SEPTIN4: variants seen among roughly 807,000 people sequenced by gnomAD.
The protein encoded by SEPTIN4 is septin 4.
SEPTIN4 carries 52 observed loss-of-function variants against 107.1 expected under a neutral mutation model. The ratio of observed to expected loss-of-function variants is 0.49; its 90% CI spans 0.39 to 0.61. The LOEUF (loss-of-function observed/expected upper bound fraction) is 0.61. SEPTIN4 is among the 20% of genes least tolerant of loss of function. The pLI is 0.00. For synonymous variants in SEPTIN4, 417 were observed against 467.0 expected (o/e 0.89, Z 1.38); for missense variants, 1,048 against 1,243.5 (o/e 0.84, Z 2.36).
In SEPTIN4 at chr17:58,529,097, C is replaced by G. The variant is rs2043230556; in HGVS notation, c.1615-2119G>C. 7 of 1,614,082 alleles carry G rather than the reference C, an allele frequency of 4.3e-6. No individual in the cohort carries two copies. In the East Asian group the frequency reaches 1.6e-4, roughly 36 times the overall value. The stretch of plus-strand genomic sequence containing the variant: ...GAAGACAGGTCACGTCCACCCATCT[C>G]CCAGAGCAGCACCTTACCCCAGCTT... On this transcript the variant is annotated intron_variant, in intron 3 of 13. Transcript: ENST00000672673.
chr17:58,533,304 CT>C (rs1401570563), intron 3 of SEPTIN4, among the ~76,000 whole-genome samples: 1 of 152,172 alleles, frequency 6.6e-6, no homozygotes, highest in Non-Finnish European at 1.5e-5. Flanking sequence ...GAGGAGAAAC[CT>C]TCCTAGCTGG....
intron 3 of SEPTIN4, chr17:58,531,803 G>T: frequency 1.5e-6 from 1 of 658,524 alleles, no homozygotes; most frequent in Non-Finnish European, 1.9e-6. Flanking sequence ...CCGCCGCCCG[G>T]CAGCAGTGCC....
In SEPTIN4 at chr17:58,526,805, G is replaced by C. The variant is rs1376756698; in HGVS notation, c.1788C>G (p.Phe596Leu). 6.2e-7 allele frequency: 1 copy of C among 1,613,772 alleles called. No homozygotes were observed. Among genetic ancestry groups the C allele is most frequent in the South Asian group, 1.1e-5 (1 of 91,074 alleles). ...APDLYDDDLEFRPPSRPQSSD... is the reference protein window; with the variant it reads ...APDLYDDDLELRPPSRPQSSD... Reference sequence around the variant, plus strand: ...AGGACTGGGGCCGCGAGGGGGGTCTGAACTCCAGGTCATCATCATAGAGGT... The same window carrying C: ...AGGACTGGGGCCGCGAGGGGGGTCTCAACTCCAGGTCATCATCATAGAGGT... The change falls in exon 4 of 14, where the codon TTC becomes TTG. Residue 596 changes from phenylalanine (F) to leucine (L), a missense_variant. Physicochemically the swap from Phe to Leu is conservative, Grantham distance 22 (BLOSUM62 0). Around this residue, in one of 2 missense-constraint regions of SEPTIN4, gnomAD observed 787 missense variants for 871.8 expected, o/e 0.90. Transcript: ENST00000672673.
intron 3 of SEPTIN4, chr17:58,532,284 A>C (rs2043539942): frequency 5.0e-6 from 1 of 198,242 alleles, no homozygotes; most frequent in Non-Finnish European, 9.6e-6. Flanking sequence ...CCCGGGCTGC[A>C]CTGGACACCT....
chr17:58,536,658 C>T (rs542513976), intron 3 of SEPTIN4, among the ~76,000 whole-genome samples: 1 of 152,328 alleles, frequency 6.6e-6, no homozygotes, highest in South Asian at 2.1e-4. Context: ...CTGAGCTTCC[C>T]TCAGGAACTG....
intron 3 of SEPTIN4, chr17:58,529,304 C>T: frequency 6.4e-7 from 1 of 1,556,584 alleles, no homozygotes; most frequent in Non-Finnish European, 8.7e-7. Context: ...GCTCCTTTCC[C>T]TTTCTCTTTG....
intron 3 of SEPTIN4, chr17:58,530,399 G>C (rs977893001): frequency 6.6e-6 from 1 of 152,272 alleles, no homozygotes; most frequent in Non-Finnish European, 1.5e-5. Context: ...GGTTGGGGGG[G>C]TCTCCCCCAC....
At position 58,544,015 on chromosome 17, in the gene SEPTIN4, G is replaced by A. The variant is rs756395843; in HGVS notation, c.172C>T (p.Pro58Ser). Residue 58 changes from proline (P) to serine (S), a missense_variant, in exon 1 of 14, where the codon CCC becomes TCC. This residue lies in a region of SEPTIN4 where 787 missense variants were observed against 871.8 expected (regional missense o/e 0.90). Coordinates refer to ENST00000672673, the MANE Select transcript of SEPTIN4 (RefSeq NM_001368771.2). ...PSHRRSEAAH[P>S]TTPHSASDYP... ...TCTGATGCTGAATGGGGAGTGGTGG[G>A]ATGTGCAGCTTCTGATCTTCGGTGG... 3 of 1,613,984 alleles carry A rather than the reference G, an allele frequency of 1.9e-6. No individual in the cohort carries two copies. The highest frequency in any genetic ancestry group is 2.5e-6 in the Non-Finnish European group (3 of 1,179,984).
rs747886465 is a variant in SEPTIN4, at chr17:58,544,013, G to T, written c.174C>A (p.Pro58=). 3 of 1,614,072 alleles carry T rather than the reference G, an allele frequency of 1.9e-6. No individual in the cohort carries two copies. The highest frequency in any genetic ancestry group is 3.3e-5 in the Admixed American group (2 of 60,024). The change falls in exon 1 of 14, where the codon CCC becomes CCA. Residue 58 remains proline, a synonymous_variant. Coordinates refer to ENST00000672673, the MANE Select transcript of SEPTIN4 (RefSeq NM_001368771.2). The part of the protein sequence containing the change: ...PSHRRSEAAH[P]TTPHSASDYP... The stretch of plus-strand genomic sequence containing the variant: ...AGTCTGATGCTGAATGGGGAGTGGT[G>T]GGATGTGCAGCTTCTGATCTTCGGT...
intron 3 of SEPTIN4, chr17:58,529,501 T>C: frequency 8.5e-7 from 1 of 1,171,290 alleles, no homozygotes. Flanking sequence ...CTGCCTACCC[T>C]GGTGGGCACA....
In SEPTIN4 at chr17:58,521,911, G is replaced by A. The variant is rs758151169; in HGVS notation, c.2351+56C>T. 4 of 1,614,114 alleles carry A rather than the reference G, an allele frequency of 2.5e-6. No individual in the cohort carries two copies. The highest frequency in any genetic ancestry group is 3.4e-6 in the Non-Finnish European group (4 of 1,180,034). ...TGGCAGCCCTGCCCCTGGTGCTCTT[G>A]GCCTGTTCCCTTGACAGCACCCGGT... On this transcript the variant is annotated intron_variant, in intron 8 of 13. Coordinates refer to ENST00000672673, the MANE Select transcript of SEPTIN4 (RefSeq NM_001368771.2). This position sits in a 1 kb window ranked among gnomAD's most constrained non-coding sequence, Gnocchi z 6.4.
chr17:58,521,890 A>G lies in SEPTIN4; in HGVS notation c.2352-37T>C. On this transcript the variant is annotated intron_variant, in intron 8 of 13. Transcript: ENST00000672673. This position sits in a 1 kb window ranked among gnomAD's most constrained non-coding sequence, Gnocchi z 6.4. The stretch of plus-strand genomic sequence containing the variant: ...GAACCTGTGACCACCTGCTAGTGGC[A>G]GCCCTGCCCCTGGTGCTCTTGGCCT... 6.2e-7 allele frequency: 1 copy of G among 1,614,210 alleles called. No individual in the cohort carries two copies. Among genetic ancestry groups the G allele is most frequent in the Non-Finnish European group, 8.5e-7 (1 of 1,180,004 alleles).
rs115483602 is a variant in SEPTIN4 at position 58,540,847 on chromosome 17, T to C, written c.1607-174A>G. On this transcript the variant is annotated intron_variant, in intron 2 of 13. Coordinates refer to ENST00000672673, the MANE Select transcript of SEPTIN4 (RefSeq NM_001368771.2). ...CCAAACAACAGCAGCTAGTATTTAC[T>C]GAGTGCTCACTGTTGCCAAGCACCG... 857 of 495,476 alleles carry C rather than the reference T, an allele frequency of 1.7e-3. 4 individuals are homozygous for C. The highest frequency in any genetic ancestry group is 0.016 in the African/African-American group (780 of 50,180). 30.7% of individuals were successfully genotyped at this position (495,476 alleles called of 1,614,324 possible).
At chr17:58,527,034 G>C in intron 3 of SEPTIN4, 56 bp from the exon 4 acceptor site, 1 of 1,612,896 alleles carries the variant, frequency 6.2e-7, no homozygotes, top group Admixed American at 1.7e-5. Context: ...GGAGCCGGAA[G>C]GGAAGAATGA....
chr17:58,529,720 G>A (rs148864492), intron 3 of SEPTIN4: 79 of 158,764 alleles, frequency 5.0e-4, no homozygotes, highest in African/African-American at 1.8e-3. Flanking sequence ...TTTAAGCAGT[G>A]CTGGAGTAGG....
rs974685500 is a variant in SEPTIN4, at chr17:58,520,649, C to T, written c.2931+94G>A. Reference sequence around the variant, plus strand: ...TTGACCTATCCAGGACCCAAATATGCACCAGAGCCAGGGATCTTTCTATTA... The same window carrying T: ...TTGACCTATCCAGGACCCAAATATGTACCAGAGCCAGGGATCTTTCTATTA... On this transcript the variant is annotated intron_variant, in intron 13 of 13. Coordinates refer to ENST00000672673, the MANE Select transcript of SEPTIN4 (RefSeq NM_001368771.2). The T allele has an allele frequency of 4.5e-6, 7 of 1,558,234 alleles. No individual in the cohort carries two copies. In the African/African-American group the frequency reaches 5.4e-5, roughly 12 times the overall value.
intron 1 of SEPTIN4, among the ~76,000 whole-genome samples, chr17:58,542,242 A>G (rs1284133202): frequency 6.6e-6 from 1 of 152,110 alleles, no homozygotes; most frequent in South Asian, 2.1e-4. Flanking sequence ...CTTTGTAGCC[A>G]GAGTATTTAC....
chr17:58,538,055 ACTGCACTCCAAC>A lies in SEPTIN4; in HGVS notation c.1614+2599_1614+2610del, dbSNP rs2043776736. Among the ~76,000 whole-genome samples the A allele has an allele frequency of 6.6e-6, 1 of 152,148 alleles. No individual in the cohort carries two copies. The highest frequency in any genetic ancestry group is 6.5e-5 in the Admixed American group (1 of 15,276). On this transcript the variant is annotated intron_variant, in intron 3 of 13. Transcript: ENST00000672673. This position sits in a 1 kb window ranked among gnomAD's most constrained non-coding sequence, Gnocchi z 4.7. ...ATTACAGTGAGCTATGGATTGCACC[ACTGCACTCCAAC>A]CTGGGCAACAGAACACTTTAAAAAA...
At position 58,526,339 on chromosome 17, in the gene SEPTIN4, T is replaced by C. The variant is rs776529782; in HGVS notation, c.1912-26A>G. The stretch of plus-strand genomic sequence containing the variant: ...CTAGTAGACAGGAAGGCAGAATGCA[T>C]CACGGTGAGGAGCCAAAGGGGCCCC... On this transcript the variant is annotated intron_variant, in intron 4 of 13. Coordinates refer to ENST00000672673, the MANE Select transcript of SEPTIN4 (RefSeq NM_001368771.2). 2.6e-6 allele frequency: 4 copies of C among 1,515,446 alleles called. No individual in the cohort carries two copies. The South Asian group carries it at 5.3e-5, about 20-fold the overall frequency. The allele number at this position is 1,515,446 out of a possible 1,614,324, so 93.9% of individuals were successfully genotyped here. A position where few individuals can be genotyped will look rare whatever the true frequency, so the allele number is the denominator to read the frequency against.
Sources: allele counts gnomAD v4.1 joint callset (sites outside exome capture counted in the v4.1 genomes callset), GRCh38; gene constraint gnomAD v4.1.1; regional missense constraint gnomAD v4.1.1; non-coding constraint Gnocchi (gnomAD v3.1); transcripts MANE v1.5; gene names NCBI Gene and HGNC (gene_info 2026-07-23, HGNC 2026-07-21).